Variants in BTBD7 observed in about 807,000 individuals in gnomAD.
BTBD7 encodes the protein BTB domain containing 7.
BTBD7 carries 38 observed loss-of-function variants against 99.9 expected under a neutral mutation model. The observed-to-expected ratio is 0.38, with a 90% CI of 0.29 to 0.50. The LOEUF (loss-of-function observed/expected upper bound fraction) is 0.50. Ranked by LOEUF, BTBD7 falls within the 20% of genes least tolerant of loss-of-function variation. The pLI, the probability that BTBD7 is intolerant of heterozygous loss-of-function variation, is 0.93. For missense variants in BTBD7, 1,170 were observed against 1,394.6 expected (o/e 0.84, Z 2.57); for synonymous variants, 520 against 511.4 (o/e 1.02, Z -0.23).
intron 3 of BTBD7, among the ~76,000 whole-genome samples, chr14:93,282,987 G>GCCTT (rs1264392170): frequency 6.6e-6 from 1 of 152,208 alleles, no homozygotes; most frequent in Non-Finnish European, 1.5e-5. Context: ...CTGCTATTTT[G>GCCTT]CCTTCTCCCT....
chr14:93,311,724 T>C (rs952428789), intron 1 of BTBD7, among the ~76,000 whole-genome samples: 22 of 150,980 alleles, frequency 1.5e-4, no homozygotes, highest in Non-Finnish European at 2.2e-4. Flanking sequence ...ATCACCAATA[T>C]GATCCATGAA....
rs201253019 is a variant in BTBD7, at chr14:93,296,214, G to GT, written c.-106-58dup. On this transcript the variant is annotated intron_variant, in intron 1 of 10. Coordinates refer to ENST00000334746, the MANE Select transcript of BTBD7 (RefSeq NM_001002860.4). Reference sequence around the variant, plus strand: ...TTTTTCAAGTGTATCTCAGATCACAGTTTTTTTTAAAAAGCTACTGAAAAC... The same window carrying GT: ...TTTTTCAAGTGTATCTCAGATCACAGTTTTTTTTTAAAAAGCTACTGAAAAC... 2,995 of 1,215,478 alleles carry GT rather than the reference G, an allele frequency of 2.5e-3. 56 individuals carry two copies. The South Asian group carries it at 0.044, about 18-fold the overall frequency. 75.3% of individuals were successfully genotyped at this position (1,215,478 alleles called of 1,614,324 possible).
At chr14:93,282,782 C>T (rs902915919) in intron 3 of BTBD7, among the ~76,000 whole-genome samples, 3 of 152,114 alleles carry the variant, frequency 2.0e-5, no homozygotes, top group Non-Finnish European at 4.4e-5. Flanking sequence ...CTTCCTTATA[C>T]CAAATCACCT....
chr14:93,277,497 G>A (rs2052669307), intron 3 of BTBD7, among the ~76,000 whole-genome samples: 1 of 152,302 alleles, frequency 6.6e-6, no homozygotes, highest in Non-Finnish European at 1.5e-5. Context: ...GGAAGAGACA[G>A]AAAGGATATA....
rs893978331 is a variant in BTBD7, at chr14:93,239,652, G to A, written c.*2621C>T. 1 of 152,416 alleles carries A rather than the reference G, an allele frequency of 6.6e-6. No individual in the cohort carries two copies. Among genetic ancestry groups the A allele is most frequent in the Non-Finnish European group, 1.5e-5 (1 of 68,030 alleles). 9.4% of individuals were successfully genotyped at this position (152,416 alleles called of 1,614,324 possible). On this transcript the variant is annotated 3_prime_UTR_variant, in exon 11 of 11. Coordinates refer to ENST00000334746, the MANE Select transcript of BTBD7 (RefSeq NM_001002860.4). ...CAAAACCCACGCCTGTTTACCTTCT[G>A]CAAGTCGCATCGGTCCGCAATCCCA...
At chr14:93,318,513 C>G (rs1423054934) in intron 1 of BTBD7, among the ~76,000 whole-genome samples, 1 of 151,948 alleles carries the variant, frequency 6.6e-6, no homozygotes, top group Non-Finnish European at 1.5e-5. Flanking sequence ...TCAGCTGAAC[C>G]CTTGAAATTA....
Position 93,242,301 on chromosome 14 carries a change from T to C in BTBD7, c.3371A>G (p.Asp1124Gly). ...GAGGGCAGACTTTTTGTAGAGGAAGTCCGGCTTGCTTGGTGACCTCCTTCC... is the reference window on the plus strand; with the variant it reads ...GAGGGCAGACTTTTTGTAGAGGAAGCCCGGCTTGCTTGGTGACCTCCTTCC... ...SRGRRSPSKP[D>G]FLYKKSAL Residue 1124 changes from aspartate (D) to glycine (G), a missense_variant, in exon 11 of 11, where the codon GAC becomes GGC. Coordinates refer to ENST00000334746, the MANE Select transcript of BTBD7 (RefSeq NM_001002860.4). 15 of 1,613,996 alleles carry C rather than the reference T, an allele frequency of 9.3e-6. No homozygotes were observed. The highest frequency in any genetic ancestry group is 1.3e-5 in the Non-Finnish European group (15 of 1,179,874).
intron 7 of BTBD7, among the ~76,000 whole-genome samples, chr14:93,251,855 C>G (rs182276462): frequency 6.6e-6 from 1 of 152,116 alleles, no homozygotes; most frequent in Non-Finnish European, 1.5e-5. Context: ...AAAGACACAA[C>G]CATCTTTTGA....
chr14:93,287,334 C>T (rs112761415), intron 3 of BTBD7, among the ~76,000 whole-genome samples: 5,618 of 138,078 alleles, frequency 0.041, 143 homozygotes, highest in Middle Eastern at 0.11. Context: ...CCCCCCACCC[C>T]GTCCTACATC....
chr14:93,304,694 G>A (rs1407075722), intron 1 of BTBD7, among the ~76,000 whole-genome samples: 1 of 152,120 alleles, frequency 6.6e-6, no homozygotes, highest in Non-Finnish European at 1.5e-5. Flanking sequence ...AAATAGAACT[G>A]ACATCAGAGA....
chr14:93,276,888 ATTAATTTTTTTTT>A (rs2052661601), intron 3 of BTBD7, among the ~76,000 whole-genome samples: 1 of 138,868 alleles, frequency 7.2e-6, no homozygotes, highest in African/African-American at 2.7e-5. Context: ...ACACACACAG[ATTAATTTTTTTTT>A]TTTTTTTTTT....
chr14:93,248,006 A>C (rs193217937), intron 9 of BTBD7, among the ~76,000 whole-genome samples: 159 of 152,342 alleles, frequency 1.0e-3, no homozygotes, highest in Non-Finnish European at 1.9e-3. Flanking sequence ...CCTCAAACCT[A>C]GTGACCAAAC....
At chr14:93,326,146 T>C (rs1454347940) in intron 1 of BTBD7, among the ~76,000 whole-genome samples, 1 of 152,216 alleles carries the variant, frequency 6.6e-6, no homozygotes, top group Non-Finnish European at 1.5e-5. Context: ...AAATCTGGAA[T>C]CAGCAGACAC....
At chr14:93,293,095 T>C (rs952977780) in intron 3 of BTBD7, among the ~76,000 whole-genome samples, 2 of 152,226 alleles carry the variant, frequency 1.3e-5, no homozygotes, top group Non-Finnish European at 2.9e-5. Flanking sequence ...GAATGCACTC[T>C]GTCAAAACAG....
intron 10 of BTBD7, among the ~76,000 whole-genome samples, chr14:93,245,221 T>G (rs746683403): frequency 6.6e-6 from 1 of 151,334 alleles, no homozygotes; most frequent in African/African-American, 2.4e-5. Context: ...CAGTGCAAAA[T>G]CAAGCAAAGA....
At chr14:93,290,363 C>T (rs1242826479) in intron 3 of BTBD7, among the ~76,000 whole-genome samples, 1 of 151,342 alleles carries the variant, frequency 6.6e-6, no homozygotes, top group Non-Finnish European at 1.5e-5. Flanking sequence ...CAGGCACCTG[C>T]CACCATGCCC....
chr14:93,278,104 G>A (rs905688862), intron 3 of BTBD7, among the ~76,000 whole-genome samples: 1 of 152,092 alleles, frequency 6.6e-6, no homozygotes, highest in Non-Finnish European at 1.5e-5. Context: ...AAAGCTTTTG[G>A]GGTACAGCCA....
At chr14:93,246,931 G>C (rs1009802453) in intron 9 of BTBD7, among the ~76,000 whole-genome samples, 1 of 148,430 alleles carries the variant, frequency 6.7e-6, no homozygotes, top group African/African-American at 2.5e-5. Context: ...AAAATGTTCA[G>C]TAGAAAATTA....
rs45594445 is a variant in BTBD7, at chr14:93,240,261, G to A, written c.*2012C>T. The A allele has an allele frequency of 0.043, 6,547 of 152,788 alleles. 249 individuals are homozygous for A. The highest frequency in any genetic ancestry group is 0.12 in the Admixed American group (1,782 of 15,300). 9.5% of individuals were successfully genotyped at this position (152,788 alleles called of 1,614,324 possible). On this transcript the variant is annotated 3_prime_UTR_variant, in exon 11 of 11. Coordinates refer to ENST00000334746, the MANE Select transcript of BTBD7 (RefSeq NM_001002860.4). ...TAACCAGTCAGGCAGCAGAACGAGT[G>A]GCGGCAGTTTGCCGGGGCGTGCAGA...
Sources: gnomAD v4.1 joint callset for allele counts (sites outside exome capture counted in the v4.1 genomes callset) on GRCh38, gnomAD v4.1.1 for gene constraint, MANE v1.5 for transcripts, NCBI Gene and HGNC (gene_info 2026-07-23, HGNC 2026-07-21) for gene names.